COTL1: variants seen among roughly 807,000 people sequenced by gnomAD.
The protein encoded by COTL1 is coactosin-like protein.
In COTL1, 15 loss-of-function variants were observed where a neutral mutation model predicts 16.5. The ratio of observed to expected loss-of-function variants is 0.91; its 90% confidence interval spans 0.61 to 1.40. The LOEUF (loss-of-function observed/expected upper bound fraction) is 1.40. Among genes scored for constraint, COTL1 ranks in the 40% most tolerant of loss-of-function variants. COTL1 has a pLI of 0.00. For missense variants in COTL1, 220 were observed against 201.5 expected (o/e 1.09, Z -0.56); for synonymous variants, 112 against 85.3 (o/e 1.31, Z -1.73).
intron 2 of COTL1, among the ~76,000 whole-genome samples, chr16:84,591,883 T>TAAAAAC (rs1904878495): frequency 2.1e-5 from 1 of 48,732 alleles, no homozygotes; most frequent in African/African-American, 1.2e-4. Context: ...AAAATAAAAA[T>TAAAAAC]ATGTGCGTGC....
rs564905510 is a variant in COTL1 at position 84,573,832 on chromosome 16, C to G, written c.319-6877G>C. Among the ~76,000 whole-genome samples, 66 of 151,836 alleles carry G rather than the reference C, an allele frequency of 4.3e-4. 1 individual carries two copies. The highest frequency in any genetic ancestry group is 1.5e-3 in the African/African-American group (61 of 41,406). On this transcript the variant is annotated intron_variant, in intron 3 of 3. Coordinates refer to ENST00000262428, the MANE Select transcript of COTL1 (RefSeq NM_021149.5). ...ATTCCGAAGATCTCTGCGTTTTACT[C>G]TATGTAAATTGTGTTTCAGCTGAAC...
rs188787267 is a variant in COTL1, at chr16:84,565,702, C to G, written c.*1143G>C. ...GATTTCTTCCCCAAAACGAAATGAG[C>G]AAGGAAAAACAGAAAAAGAGCTATA... On this transcript the variant is annotated 3_prime_UTR_variant, in exon 4 of 4. Coordinates refer to ENST00000262428, the MANE Select transcript of COTL1 (RefSeq NM_021149.5). 1 of 152,702 alleles carries G rather than the reference C, an allele frequency of 6.5e-6. No homozygotes were observed. The highest frequency in any genetic ancestry group is 1.9e-4 in the East Asian group (1 of 5,194). 9.5% of individuals were successfully genotyped at this position (152,702 alleles called of 1,614,324 possible). A position where few individuals can be genotyped will look rare whatever the true frequency, so the allele number is the denominator to read the frequency against.
chr16:84,575,606 C>T (rs2966315), intron 3 of COTL1: 8 of 152,356 alleles, frequency 5.3e-5, no homozygotes, highest in East Asian at 1.9e-4. Context: ...GATCTCCCCC[C>T]CTTGGCCTCC....
intron 3 of COTL1, among the ~76,000 whole-genome samples, chr16:84,586,794 T>A (rs955596101): frequency 9.2e-5 from 14 of 152,042 alleles, no homozygotes; most frequent in African/African-American, 3.4e-4. Flanking sequence ...TGTTGGCATG[T>A]TCGCCAGGCT....
At chr16:84,603,022 G>A (rs1024037542) in intron 2 of COTL1, among the ~76,000 whole-genome samples, 1 of 152,170 alleles carries the variant, frequency 6.6e-6, no homozygotes, top group Non-Finnish European at 1.5e-5. Context: ...TCAGCGGCAT[G>A]AGAGCCTGGA....
In COTL1 at chr16:84,589,429, T is replaced by C. The variant is rs185760187; in HGVS notation, c.318+676A>G. On this transcript the variant is annotated intron_variant, in intron 3 of 3. Coordinates refer to ENST00000262428, the MANE Select transcript of COTL1 (RefSeq NM_021149.5). ...GGGACGTGTAACACACTGTTTCTGGTCACCTGAACAACAGTTTAAAGGCGC... is the reference window on the plus strand; with the variant it reads ...GGGACGTGTAACACACTGTTTCTGGCCACCTGAACAACAGTTTAAAGGCGC... Among the ~76,000 whole-genome samples the C allele has an allele frequency of 1.5e-3, 223 of 152,306 alleles. 2 individuals carry two copies. Among genetic ancestry groups the C allele is most frequent in the Admixed American group, 6.6e-3 (101 of 15,296 alleles).
chr16:84,579,549 T>C (rs1009599738), intron 3 of COTL1, among the ~76,000 whole-genome samples: 2 of 152,220 alleles, frequency 1.3e-5, no homozygotes, highest in Non-Finnish European at 2.9e-5. Flanking sequence ...ACACAGGCTA[T>C]ATCTCTGCTC....
chr16:84,611,249 C>T (rs1450146517), intron 2 of COTL1, among the ~76,000 whole-genome samples: 1 of 152,204 alleles, frequency 6.6e-6, no homozygotes, highest in Non-Finnish European at 1.5e-5. Flanking sequence ...GGACTCATTC[C>T]CAGATGCCTG....
At chr16:84,600,579 C>T (rs897071576) in intron 2 of COTL1, among the ~76,000 whole-genome samples, 2 of 152,226 alleles carry the variant, frequency 1.3e-5, no homozygotes, top group African/African-American at 2.4e-5. Context: ...TCCCAAAGAG[C>T]CAGGATTACA....
intron 3 of COTL1, chr16:84,575,660 T>A (rs899093255): frequency 6.6e-6 from 1 of 152,102 alleles, no homozygotes; most frequent in Non-Finnish European, 1.5e-5. Flanking sequence ...ACCTGACCCC[T>A]TTTCATTTTT....
intron 3 of COTL1, among the ~76,000 whole-genome samples, chr16:84,584,929 C>T (rs1048777498): frequency 3.3e-5 from 5 of 152,178 alleles, no homozygotes; most frequent in African/African-American, 1.2e-4. Flanking sequence ...GAAATTTGAA[C>T]CCACGCCATC....
At chr16:84,582,427 A>G (rs1037311871) in intron 3 of COTL1, among the ~76,000 whole-genome samples, 1 of 152,326 alleles carries the variant, frequency 6.6e-6, no homozygotes, top group South Asian at 2.1e-4. Flanking sequence ...TACAGGCATA[A>G]GCCATGGCGC....
At chr16:84,614,547 G>A (rs547628137) in intron 2 of COTL1, among the ~76,000 whole-genome samples, 1 of 152,058 alleles carries the variant, frequency 6.6e-6, no homozygotes, top group Non-Finnish European at 1.5e-5. Flanking sequence ...AGGGAAGGGG[G>A]TGTTTCAGAG....
At chr16:84,577,183 C>G (rs1444193131) in intron 3 of COTL1, 1 of 152,192 alleles carries the variant, frequency 6.6e-6, no homozygotes, top group African/African-American at 2.4e-5. Flanking sequence ...GTTTTAAAAA[C>G]TCTACCAGCA....
intron 2 of COTL1, among the ~76,000 whole-genome samples, chr16:84,601,396 C>T (rs143247954): frequency 2.0e-5 from 3 of 152,334 alleles, no homozygotes; most frequent in Non-Finnish European, 4.4e-5. Flanking sequence ...AGGAAATCCG[C>T]TCTGCCTGGG....
chr16:84,599,205 G>A (rs1305427569), intron 2 of COTL1, among the ~76,000 whole-genome samples: 3 of 151,922 alleles, frequency 2.0e-5, no homozygotes, highest in Admixed American at 1.3e-4. Flanking sequence ...ACATTGACTG[G>A]GGGCCTCTGC....
chr16:84,591,953 A>T (rs1237433068), intron 2 of COTL1, among the ~76,000 whole-genome samples: 1 of 152,262 alleles, frequency 6.6e-6, no homozygotes, highest in Non-Finnish European at 1.5e-5. Flanking sequence ...GTACCCCACT[A>T]GGATAAACCA....
chr16:84,603,415 C>T (rs556098403), intron 2 of COTL1, among the ~76,000 whole-genome samples: 7 of 152,260 alleles, frequency 4.6e-5, no homozygotes, highest in East Asian at 3.9e-4. Flanking sequence ...GGGTACAACA[C>T]GGCGTCACAG....
chr16:84,603,764 CAGA>C (rs1905151624), intron 2 of COTL1, among the ~76,000 whole-genome samples: 1 of 152,016 alleles, frequency 6.6e-6, no homozygotes, highest in Non-Finnish European at 1.5e-5. Flanking sequence ...CCTGGGGACC[CAGA>C]AGAAGTGGCA....
Sources: gnomAD v4.1 joint callset for allele counts (sites outside exome capture counted in the v4.1 genomes callset) on GRCh38, gnomAD v4.1.1 for gene constraint, MANE v1.5 for transcripts, NCBI Gene and HGNC (gene_info 2026-07-23, HGNC 2026-07-21) for gene names.